The following STAU2 variants were observed in gnomAD, a reference collection of about 807,000 sequenced individuals.
STAU2 encodes the protein double-stranded RNA-binding protein Staufen homolog 2.
STAU2 carries 20 observed loss-of-function variants against 65.9 expected under a neutral mutation model. The ratio of observed to expected loss-of-function variants is 0.30; its 90% CI spans 0.21 to 0.44. STAU2 has a LOEUF of 0.44. Among genes scored for constraint, STAU2 ranks in the 20% least tolerant of loss-of-function variants. The pLI is 1.00. For missense variants in STAU2, 558 were observed against 683.9 expected, an observed-to-expected ratio of 0.82 and a Z score of 2.05; for synonymous variants, 232 against 233.9, an observed-to-expected ratio of 0.99 and a Z score of 0.07.
At chr8:73,712,451 A>G (rs1820968593) in intron 3 of STAU2, among the ~76,000 whole-genome samples, 1 of 152,236 alleles carries the variant, frequency 6.6e-6, no homozygotes, top group Non-Finnish European at 1.5e-5. Context: ...CTCACTAGAT[A>G]ATTGCATGGA....
chr8:73,450,833 A>G (rs1254033808), intron 13 of STAU2, among the ~76,000 whole-genome samples: 2 of 152,190 alleles, frequency 1.3e-5, no homozygotes, highest in Non-Finnish European at 2.9e-5. Flanking sequence ...CAAGCTGATT[A>G]GATGCTTCTA....
At position 73,438,227 on chromosome 8, in the gene STAU2, A is replaced by G. The variant is rs534232051; in HGVS notation, c.1531-15525T>C. 3.9e-5 allele frequency among the ~76,000 whole-genome samples: 6 copies of G among 152,300 alleles called. No individual in the cohort carries two copies. In the East Asian group the frequency reaches 1.2e-3, roughly 29 times the overall value. On this transcript the variant is annotated intron_variant, in intron 13 of 14. Transcript: ENST00000524300. ...TCTGACTCACTACTGGGGTATGGCC[A>G]TGCATTCAACAAACACTCATGGAGA...
chr8:73,467,365 T>C (rs1819714081), intron 13 of STAU2, among the ~76,000 whole-genome samples: 1 of 152,088 alleles, frequency 6.6e-6, no homozygotes, highest in Non-Finnish European at 1.5e-5. Context: ...ACCCCGTCTC[T>C]ACTAAAAATA....
chr8:73,422,651 C>T lies in STAU2; in HGVS notation c.1582G>A (p.Asp528Asn), dbSNP rs139158161. ...QFSEQGLDPI[D>N]GAMNIEKGSL... ...CCTTTTTCGATATTCATTGCTCCAT[C>T]GATTGGATCCAGTCCTTGTTCAGAA... is the stretch of plus-strand genomic sequence containing the variant. The change falls in exon 14 of 15, where the codon GAT becomes AAT. Residue 528 changes from aspartate to asparagine, a missense_variant. Around this residue, in one of 3 missense-constraint regions of STAU2, gnomAD observed 247 missense variants for 270.1 expected, o/e 0.91. Transcript: ENST00000524300. 267 of 1,513,380 alleles carry T rather than the reference C, an allele frequency of 1.8e-4. No homozygotes were observed. In the East Asian group the frequency reaches 5.7e-3, roughly 32 times the overall value. 93.7% of individuals were successfully genotyped at this position (1,513,380 alleles called of 1,614,324 possible).
At chr8:73,506,810 C>G (rs1342062208) in intron 13 of STAU2, among the ~76,000 whole-genome samples, 2 of 152,090 alleles carry the variant, frequency 1.3e-5, no homozygotes, top group South Asian at 4.1e-4. Flanking sequence ...CCTCTCAAAC[C>G]CTGCTGCTGT....
chr8:73,513,553 G>C (rs1343426302), intron 13 of STAU2, among the ~76,000 whole-genome samples: 1 of 152,084 alleles, frequency 6.6e-6, no homozygotes, highest in Non-Finnish European at 1.5e-5. Flanking sequence ...AGGGTGTATA[G>C]GTAGCTTGAG....
At chr8:73,694,952 G>A (rs771860139) in intron 4 of STAU2, among the ~76,000 whole-genome samples, 3 of 152,236 alleles carry the variant, frequency 2.0e-5, no homozygotes, top group Non-Finnish European at 4.4e-5. Context: ...CATAGCAGTT[G>A]GAACTTGAAT....
At chr8:73,534,856 T>C (rs1269839436) in intron 13 of STAU2, among the ~76,000 whole-genome samples, 2 of 152,208 alleles carry the variant, frequency 1.3e-5, no homozygotes, top group African/African-American at 2.4e-5. Context: ...AAATGCAATA[T>C]GCTTGTCACA....
intron 13 of STAU2, among the ~76,000 whole-genome samples, chr8:73,494,884 T>TAAA (rs1821325559): frequency 6.6e-6 from 1 of 151,662 alleles, no homozygotes; most frequent in South Asian, 2.1e-4. Flanking sequence ...ATTACTGATT[T>TAAA]ACATGCATGT....
chr8:73,704,259 G>A (rs983018898), intron 4 of STAU2, among the ~76,000 whole-genome samples: 6 of 152,094 alleles, frequency 3.9e-5, no homozygotes, highest in African/African-American at 7.2e-5. Context: ...ACAAATCAAT[G>A]TCATAGGAAA....
intron 13 of STAU2, among the ~76,000 whole-genome samples, chr8:73,429,527 A>G (rs1817105937): frequency 7.1e-6 from 1 of 140,394 alleles, no homozygotes; most frequent in African/African-American, 2.6e-5. Context: ...AGACCTCCCA[A>G]GCTCGAGTGA....
chr8:73,429,433 T>C (rs1444172621), intron 13 of STAU2, among the ~76,000 whole-genome samples: 2 of 94,520 alleles, frequency 2.1e-5, no homozygotes, highest in Non-Finnish European at 3.8e-5. Flanking sequence ...TTTTTTTTTT[T>C]TTTTTTTTTT....
chr8:73,660,928 A>T (rs959516871), intron 6 of STAU2, among the ~76,000 whole-genome samples: 4 of 152,226 alleles, frequency 2.6e-5, no homozygotes, highest in South Asian at 2.1e-4. Flanking sequence ...AGCAGATGTA[A>T]ATTCTTTTAA....
At chr8:73,463,667 A>G (rs1159079488) in intron 13 of STAU2, among the ~76,000 whole-genome samples, 5 of 152,242 alleles carry the variant, frequency 3.3e-5, no homozygotes, top group African/African-American at 1.2e-4. Context: ...AAATCAAGGT[A>G]TATGTACTTC....
intron 13 of STAU2, among the ~76,000 whole-genome samples, chr8:73,502,098 T>C (rs538865380): frequency 5.9e-4 from 89 of 152,120 alleles, no homozygotes; most frequent in Admixed American, 1.2e-3. Context: ...TTATGGCTAA[T>C]AATTGGGCAG....
intron 13 of STAU2, among the ~76,000 whole-genome samples, chr8:73,472,403 C>T (rs1359455126): frequency 1.3e-5 from 2 of 152,012 alleles, no homozygotes; most frequent in South Asian, 4.1e-4. Flanking sequence ...ATACACCAGG[C>T]CAAAGTTACA....
At chr8:73,634,847 A>T (rs1371700646) in intron 6 of STAU2, among the ~76,000 whole-genome samples, 1 of 152,134 alleles carries the variant, frequency 6.6e-6, no homozygotes, top group Admixed American at 6.5e-5. Context: ...ACCTAATTCA[A>T]ATTGTGATTC....
intron 13 of STAU2, among the ~76,000 whole-genome samples, chr8:73,503,243 A>G (rs924846183): frequency 1.3e-5 from 2 of 152,098 alleles, no homozygotes; most frequent in South Asian, 2.1e-4. Flanking sequence ...AAATGAATAC[A>G]TAGTACATCG....
Position 73,593,005 on chromosome 8 carries a change from T to C in STAU2, c.1161+2161A>G, listed in dbSNP as rs1373110658. ...TGACTACCACCTAGCAGTCATTCTC[T>C]ATTCCTTTTTGCAGGTAGTCTTTCC... is the stretch of plus-strand genomic sequence containing the variant. On this transcript the variant is annotated intron_variant, in intron 11 of 14. Coordinates refer to ENST00000524300, the MANE Select transcript of STAU2 (RefSeq NM_001164380.2). Among the ~76,000 whole-genome samples, 7 of 152,252 alleles carry C rather than the reference T, an allele frequency of 4.6e-5. No homozygotes were observed. In the South Asian group the frequency reaches 6.2e-4, roughly 13 times the overall value.
Sources: gnomAD v4.1 joint callset for allele counts (sites outside exome capture counted in the v4.1 genomes callset) on GRCh38, gnomAD v4.1.1 for gene constraint, gnomAD v4.1.1 regional missense constraint, MANE v1.5 for transcripts, NCBI Gene and HGNC (gene_info 2026-07-23, HGNC 2026-07-21) for gene names.